The following GSDMC variants were observed in gnomAD, a reference collection of about 807,000 sequenced individuals.
The protein encoded by GSDMC is gasdermin-C.
Under a neutral mutation model 58.0 loss-of-function variants are expected in GSDMC, and 59 were observed. The ratio of observed to expected loss-of-function variants is 1.02; its 90% CI spans 0.82 to 1.26. The LOEUF (loss-of-function observed/expected upper bound fraction) is 1.26. Among genes scored for constraint, GSDMC ranks in the 50% most tolerant of loss-of-function variants. GSDMC has a pLI of 0.00. For missense variants in GSDMC, 659 were observed against 598.5 expected (o/e 1.10, Z -1.06); for synonymous variants, 241 against 220.2 (o/e 1.09, Z -0.83).
intron 3 of GSDMC, among the ~76,000 whole-genome samples, chr8:129,775,326 G>A (rs2034188000): frequency 6.6e-6 from 1 of 152,168 alleles, no homozygotes. Context: ...TACAAATACT[G>A]TATAATCTCA....
chr8:129,714,745 G>C, the GSDMC span, among the ~76,000 whole-genome samples: 1 of 149,800 alleles, frequency 6.7e-6, no homozygotes, highest in Non-Finnish European at 1.5e-5. Context: ...GTCACCAGCA[G>C]ACCTGCTTGA....
chr8:129,726,229 G>C, the GSDMC span, among the ~76,000 whole-genome samples: 1 of 152,168 alleles, frequency 6.6e-6, no homozygotes, highest in Admixed American at 6.5e-5. Flanking sequence ...TTTTAAGGGA[G>C]ACATTTAATA....
In GSDMC at chr8:129,762,713, T is replaced by A. The variant is rs374508236; in HGVS notation, c.589A>T (p.Ser197Cys). ...AGCGCCTTCTTCTTCACTCTGAGAC[T>A]CTCTCCTTGGCCTTGACCCTGGGGA... is the stretch of plus-strand genomic sequence containing the variant. ...TYGKGQGQGE[S>C]LRVKKKALTL... is the part of the protein sequence containing the mutation. The change falls in exon 5 of 14, where the codon AGT becomes TGT. Residue 197 changes from serine to cysteine, a missense_variant. Transcript: ENST00000276708. The A allele has an allele frequency of 1.2e-6, 2 of 1,613,106 alleles. No homozygotes were observed. The highest frequency in any genetic ancestry group is 1.7e-6 in the Non-Finnish European group (2 of 1,179,056).
intron 10 of GSDMC, 39 bp from the exon 11 acceptor site, chr8:129,750,609 A>C: frequency 6.2e-7 from 1 of 1,603,072 alleles, no homozygotes; most frequent in Non-Finnish European, 8.5e-7. Flanking sequence ...AAGTGGGGAC[A>C]AGTCTTTGAT....
rs190092759 is a variant in GSDMC, at chr8:129,772,072, G to A, written c.404+4030C>T. Among the ~76,000 whole-genome samples the A allele has an allele frequency of 9.1e-4, 139 of 152,198 alleles. 1 individual carries two copies. In the East Asian group the frequency reaches 0.025, roughly 27 times the overall value. ...GAGGTCAGGAGATCGAGACCATCCT[G>A]GCTAACACGGTGAAACTCCGTCTCT... is the stretch of plus-strand genomic sequence containing the variant. On this transcript the variant is annotated intron_variant, in intron 3 of 13. Coordinates refer to ENST00000276708, the MANE Select transcript of GSDMC (RefSeq NM_031415.3).
the GSDMC span, among the ~76,000 whole-genome samples, chr8:129,735,127 C>T: frequency 6.6e-6 from 1 of 152,134 alleles, no homozygotes; most frequent in African/African-American, 2.4e-5. Flanking sequence ...ATATATGCAC[C>T]CAATACAGGA....
intron 5 of GSDMC, 52 bp from the exon 6 acceptor site, chr8:129,760,641 G>GAGTCTTTCCCATAGCCTT (rs2130430127): frequency 9.8e-7 from 1 of 1,023,960 alleles, no homozygotes; most frequent in Non-Finnish European, 1.5e-6. Context: ...ATTCCTGCCT[G>GAGTCTTTCCCATAGCCTT]AACCTAGACC....
chr8:129,770,001 T>C (rs2033995896), intron 3 of GSDMC, among the ~76,000 whole-genome samples: 1 of 152,222 alleles, frequency 6.6e-6, no homozygotes, highest in Non-Finnish European at 1.5e-5. Context: ...CAGAATTCTG[T>C]AATATTCTAA....
At chr8:129,782,081 A>T (rs10088863) in intron 1 of GSDMC, among the ~76,000 whole-genome samples, 22,081 of 152,230 alleles carry the variant, frequency 0.15, 1,669 homozygotes, top group South Asian at 0.22. Flanking sequence ...GAAATTATAC[A>T]AACACATGGA....
At chr8:129,758,285 C>T (rs774052300) in intron 6 of GSDMC, among the ~76,000 whole-genome samples, 2 of 152,136 alleles carry the variant, frequency 1.3e-5, no homozygotes, top group Non-Finnish European at 2.9e-5. Context: ...AAATTGAAAG[C>T]CTTTCATCTT....
the GSDMC span, among the ~76,000 whole-genome samples, chr8:129,737,146 C>G: frequency 6.6e-6 from 1 of 152,090 alleles, no homozygotes; most frequent in Non-Finnish European, 1.5e-5. Flanking sequence ...AAAGAGGACA[C>G]AAACAAATGG....
At chr8:129,729,049 C>T in the GSDMC span, 2 of 639,860 alleles carry the variant, frequency 3.1e-6, no homozygotes, top group Non-Finnish European at 6.0e-6. Context: ...AATGAAATAA[C>T]TTTGTGTCAA....
At chr8:129,730,358 A>G in the GSDMC span, 1 of 1,302,320 alleles carries the variant, frequency 7.7e-7, no homozygotes, top group African/African-American at 1.5e-5. Context: ...TTATGCAAGG[A>G]GATTATCTAC....
chr8:129,710,696 T>A, the GSDMC span, among the ~76,000 whole-genome samples: 1 of 152,234 alleles, frequency 6.6e-6, no homozygotes, highest in Non-Finnish European at 1.5e-5. Flanking sequence ...AACTCAAGAA[T>A]GTCCCTTGAT....
At chr8:129,731,369 C>T in the GSDMC span, among the ~76,000 whole-genome samples, 1 of 152,228 alleles carries the variant, frequency 6.6e-6, no homozygotes, top group African/African-American at 2.4e-5. Context: ...AAGCAAACAA[C>T]CTCACACCCT....
chr8:129,716,248 T>C, the GSDMC span, among the ~76,000 whole-genome samples: 1 of 152,210 alleles, frequency 6.6e-6, no homozygotes. Flanking sequence ...CACAATCATA[T>C]GCTTTCTACA....
the GSDMC span, among the ~76,000 whole-genome samples, chr8:129,718,418 GA>G: frequency 6.6e-6 from 1 of 152,016 alleles, no homozygotes; most frequent in Non-Finnish European, 1.5e-5. Context: ...CAAACATATG[GA>G]AAAAAGCTCA....
the GSDMC span, among the ~76,000 whole-genome samples, chr8:129,720,723 A>C: frequency 6.6e-6 from 1 of 152,224 alleles, no homozygotes; most frequent in Non-Finnish European, 1.5e-5. Context: ...CATATACATC[A>C]TCTCATTTGA....
intron 1 of GSDMC, among the ~76,000 whole-genome samples, chr8:129,778,055 C>T (rs2130562086): frequency 6.6e-6 from 1 of 152,090 alleles, no homozygotes; most frequent in South Asian, 2.1e-4. Flanking sequence ...AACTAAAGGG[C>T]CAGAGGGAAG....
Sources: allele counts gnomAD v4.1 joint callset (sites outside exome capture counted in the v4.1 genomes callset), GRCh38; gene constraint gnomAD v4.1.1; transcripts MANE v1.5; gene names NCBI Gene and HGNC (gene_info 2026-07-23, HGNC 2026-07-21).